ARGFX: variants seen among roughly 807,000 people sequenced by gnomAD.
ARGFX encodes the protein arginine-fifty homeobox.
A neutral mutation model predicts 8.0 loss-of-function variants in ARGFX; 10 were observed. The observed-to-expected ratio is 1.25, with a 90% CI of 0.77 to 2.12. The LOEUF (loss-of-function observed/expected upper bound fraction) is 2.12. Among genes scored for constraint, ARGFX ranks in the 30% most tolerant of loss-of-function variants. ARGFX has a pLI of 0.00. For synonymous variants in ARGFX, 116 were observed against 117.8 expected, an observed-to-expected ratio of 0.98 and a Z score of 0.10; for missense variants, 282 against 324.3, an observed-to-expected ratio of 0.87 and a Z score of 1.00.
intron 1 of ARGFX, among the ~76,000 whole-genome samples, chr3:121,569,220 G>C (rs2048692494): frequency 6.6e-6 from 1 of 152,128 alleles, no homozygotes; most frequent in African/African-American, 2.4e-5. Context: ...TGAAGTGTAA[G>C]AAGAAAATCT....
At chr3:121,577,226 C>CATAT (rs71133554) in intron 3 of ARGFX, among the ~76,000 whole-genome samples, 932 of 86,870 alleles carry the variant, frequency 0.011, 23 homozygotes, top group Middle Eastern at 0.025. Flanking sequence ...TCTACATGTA[C>CATAT]ATATATATAT....
In ARGFX at chr3:121,587,533, A is replaced by G. The variant is rs1266284138; in HGVS notation, c.*933A>G. ...ACTTTTTTTCAAGGAAACCGAAGAA[A>G]CCATCATCCACTTTTCTCTCTGTAT... On this transcript the variant is annotated 3_prime_UTR_variant, in exon 5 of 5. Transcript: ENST00000334384. Among the ~76,000 whole-genome samples the G allele has an allele frequency of 6.6e-6, 1 of 152,074 alleles. No individual in the cohort carries two copies. The highest frequency in any genetic ancestry group is 2.4e-5 in the African/African-American group (1 of 41,380).
intron 1 of ARGFX, among the ~76,000 whole-genome samples, chr3:121,570,037 T>G (rs1277567854): frequency 1.3e-5 from 2 of 152,226 alleles, no homozygotes; most frequent in East Asian, 3.8e-4. Flanking sequence ...AATTTTTGCT[T>G]TCAATCTTCA....
In ARGFX at chr3:121,588,056, T is replaced by TGATA. The variant is rs1270102492; in HGVS notation, c.*1457_*1460dup. On this transcript the variant is annotated 3_prime_UTR_variant, in exon 5 of 5. Coordinates refer to ENST00000334384, the MANE Select transcript of ARGFX (RefSeq NM_001012659.2). The stretch of plus-strand genomic sequence containing the variant: ...TAAAAACAGATTTTTGAAGGTGAGA[T>TGATA]GATAAACTTGCAAAACTCACAAAAT... 6.6e-6 allele frequency among the ~76,000 whole-genome samples: 1 copy of TGATA among 151,868 alleles called. No individual in the cohort carries two copies. Among genetic ancestry groups the TGATA allele is most frequent in the African/African-American group, 2.4e-5 (1 of 41,386 alleles).
intron 3 of ARGFX, among the ~76,000 whole-genome samples, chr3:121,582,112 C>T (rs534276481): frequency 6.6e-6 from 1 of 152,162 alleles, no homozygotes; most frequent in South Asian, 2.1e-4. Flanking sequence ...AAACAATTTA[C>T]AGTTTGTAAA....
intron 2 of ARGFX, among the ~76,000 whole-genome samples, chr3:121,571,553 A>T (rs1576440017): frequency 6.7e-6 from 1 of 148,316 alleles, no homozygotes; most frequent in African/African-American, 2.5e-5. Flanking sequence ...GGAAGGCTTA[A>T]TATTATTATT....
intron 3 of ARGFX, among the ~76,000 whole-genome samples, chr3:121,583,857 A>T (rs1310284439): frequency 6.6e-6 from 1 of 152,058 alleles, no homozygotes. Flanking sequence ...CAAAGTAGTG[A>T]ATAGAGCCTC....
intron 3 of ARGFX, among the ~76,000 whole-genome samples, chr3:121,578,120 CTTTTTTTTTT>C (rs35072728): frequency 0.024 from 2,661 of 113,112 alleles, 40 homozygotes; most frequent in Middle Eastern, 0.057. Flanking sequence ...CCCTACCCCA[CTTTTTTTTTT>C]TTTTTTTTTT....
chr3:121,581,340 A>G (rs1351663270), intron 3 of ARGFX, among the ~76,000 whole-genome samples: 1 of 152,226 alleles, frequency 6.6e-6, no homozygotes, highest in Non-Finnish European at 1.5e-5. Context: ...CACATTAATA[A>G]AATGTAACAA....
intron 3 of ARGFX, among the ~76,000 whole-genome samples, chr3:121,584,264 A>T (rs1019448286): frequency 1.3e-5 from 2 of 149,754 alleles, no homozygotes; most frequent in African/African-American, 4.9e-5. Context: ...GGAAGGAAGG[A>T]AGGAAAGAAA....
rs2048819593 is a variant in ARGFX at position 121,587,499 on chromosome 3, T to C, written c.*899T>C. Among the ~76,000 whole-genome samples the C allele has an allele frequency of 1.3e-5, 2 of 152,080 alleles. No homozygotes were observed. Among genetic ancestry groups the C allele is most frequent in the Admixed American group, 6.6e-5 (1 of 15,260 alleles). On this transcript the variant is annotated 3_prime_UTR_variant, in exon 5 of 5. Coordinates refer to ENST00000334384, the MANE Select transcript of ARGFX (RefSeq NM_001012659.2). ...CATCGCACCCGGCTGGGTTATCTAG[T>C]TTAAAAACACTTTTTTTCAAGGAAA...
At chr3:121,570,622 C>T in intron 1 of ARGFX, 80 bp from the exon 2 acceptor site, 1 of 902,588 alleles carries the variant, frequency 1.1e-6, no homozygotes, top group Non-Finnish European at 1.7e-6. Flanking sequence ...ATACATCAAG[C>T]CCAGGCTCCT....
rs150490646 is a variant in ARGFX, at chr3:121,582,831, A to G, written c.221-2086A>G. 1.9e-4 allele frequency among the ~76,000 whole-genome samples: 28 copies of G among 151,214 alleles called. 1 individual carries two copies. The East Asian group carries it at 5.5e-3, about 30-fold the overall frequency. On this transcript the variant is annotated intron_variant, in intron 3 of 4. Transcript: ENST00000334384. ...AGTGATCCTCCCACCTCAGCCTCCC[A>G]TAGCTGGGACCACAGGCATGTGCTA...
intron 3 of ARGFX, among the ~76,000 whole-genome samples, chr3:121,579,813 T>C (rs1331378376): frequency 6.6e-5 from 10 of 152,072 alleles, no homozygotes; most frequent in Admixed American, 6.6e-4. Context: ...CTGGGCAACA[T>C]AGCGAGACCT....
rs2048838238 is a variant in ARGFX at position 121,590,611 on chromosome 3, T to A, written c.*4011T>A. Among the ~76,000 whole-genome samples, 1 of 152,084 alleles carries A rather than the reference T, an allele frequency of 6.6e-6. No individual in the cohort carries two copies. The highest frequency in any genetic ancestry group is 2.4e-5 in the African/African-American group (1 of 41,398). On this transcript the variant is annotated 3_prime_UTR_variant, in exon 5 of 5. Transcript: ENST00000334384. The stretch of plus-strand genomic sequence containing the variant: ...AGCCTTCAGAACTGTAAGAAATAAA[T>A]CTCTCTTCATAAATTACCCAGTCTC...
At chr3:121,583,851 G>C (rs571155273) in intron 3 of ARGFX, among the ~76,000 whole-genome samples, 2 of 151,998 alleles carry the variant, frequency 1.3e-5, no homozygotes, top group Non-Finnish European at 2.9e-5. Flanking sequence ...TTTCCCCAAA[G>C]TAGTGAATAG....
intron 2 of ARGFX, 49 bp from the exon 3 acceptor site, chr3:121,576,733 TTC>T (rs1418884030): frequency 1.8e-5 from 6 of 342,506 alleles, no homozygotes. Flanking sequence ...CTTTCTTTCT[TTC>T]TTTCTTTCTT....
chr3:121,584,268 A>AAGGAAGGG (rs1560122481), intron 3 of ARGFX, among the ~76,000 whole-genome samples: 1 of 150,662 alleles, frequency 6.6e-6, no homozygotes, highest in Non-Finnish European at 1.5e-5. Flanking sequence ...GGAAGGAAGG[A>AAGGAAGGG]AAGAAAAGAA....
intron 3 of ARGFX, among the ~76,000 whole-genome samples, chr3:121,578,669 T>C (rs929509378): frequency 3.4e-5 from 5 of 146,084 alleles, no homozygotes; most frequent in African/African-American, 1.2e-4. Flanking sequence ...AGTATAGTTT[T>C]ATCTTTTTTT....
Sources: gnomAD v4.1 joint callset for allele counts (sites outside exome capture counted in the v4.1 genomes callset) on GRCh38, gnomAD v4.1.1 for gene constraint, MANE v1.5 for transcripts, NCBI Gene and HGNC (gene_info 2026-07-23, HGNC 2026-07-21) for gene names.